Variants in CHRNA1 observed in about 807,000 individuals in gnomAD.
The protein encoded by CHRNA1 is acetylcholine receptor subunit alpha.
Under a neutral mutation model 47.1 loss-of-function variants are expected in CHRNA1, and 35 were observed. That is an observed-to-expected ratio of 0.74 (90% CI 0.57 to 0.99). The LOEUF (loss-of-function observed/expected upper bound fraction) is 0.99. Ranked by LOEUF, CHRNA1 falls within the 50% of genes least tolerant of loss-of-function variation. The pLI is 0.00. For synonymous variants in CHRNA1, 229 were observed against 223.6 expected (o/e 1.02, Z -0.22); for missense variants, 506 against 591.1 (o/e 0.86, Z 1.49).
In CHRNA1 at chr2:174,753,668, T is replaced by A. The variant is rs373958739; in HGVS notation, c.613A>T (p.Lys205Ter). 6.2e-7 allele frequency: 1 copy of A among 1,613,994 alleles called. No individual in the cohort carries two copies. Among genetic ancestry groups the A allele is most frequent in the Non-Finnish European group, 8.5e-7 (1 of 1,179,988 alleles). ...EWVIKESRGW[K>*]HSVTYSCCPD... Reference sequence around the variant, plus strand: ...CAGCAGGAATAGGTCACGGAGTGCTTCCAGCCCCGGGACTCCTTGATCACC... The same window carrying A: ...CAGCAGGAATAGGTCACGGAGTGCTACCAGCCCCGGGACTCCTTGATCACC... Residue 205 changes from lysine to a stop codon, truncating the protein, a stop_gained, in exon 6 of 9, where the codon AAG becomes TAG. Transcript: ENST00000348749. LOFTEE classifies it high-confidence loss of function.
chr2:174,753,378 C>G, intron 6 of CHRNA1, 125 bp downstream of exon 6: 1 of 984,096 alleles, frequency 1.0e-6, no homozygotes, highest in Non-Finnish European at 1.7e-6. Flanking sequence ...CAAATGCACC[C>G]TCCTAATGAT....
At chr2:174,757,971 G>A (rs1684016271) in intron 3 of CHRNA1, 4 of 1,601,364 alleles carry the variant, frequency 2.5e-6, no homozygotes, top group Non-Finnish European at 3.4e-6. Context: ...AGAAAACAAA[G>A]GAACTCCCAA....
Position 174,757,599 on chromosome 2 carries a change from T to G in CHRNA1, c.311A>C (p.Lys104Thr). ...GAGAACAAGGTCTGGGCGCCAGATC[T>G]TTTCTGAAGGAATGTGAATTTTTTT... is the stretch of plus-strand genomic sequence containing the variant. Reference protein sequence around the residue: ...GVKKIHIPSEKIWRPDLVLYN... With the variant: ...GVKKIHIPSETIWRPDLVLYN... The change falls in exon 4 of 9, where the codon AAG becomes ACG. Residue 104 changes from lysine (K) to threonine (T), a missense_variant. Lys to Thr is a moderately conservative substitution (Grantham distance 78, BLOSUM62 -1). Transcript: ENST00000348749. The G allele has an allele frequency of 1.2e-6, 2 of 1,614,206 alleles. No individual in the cohort carries two copies. Among genetic ancestry groups the G allele is most frequent in the South Asian group, 1.1e-5 (1 of 91,078 alleles).
At chr2:174,748,447 G>T in intron 8 of CHRNA1, 133 bp downstream of exon 8, 4 of 1,396,410 alleles carry the variant, frequency 2.9e-6, no homozygotes, top group Non-Finnish European at 2.9e-6. Context: ...GTCTAGAGGC[G>T]GTCACCAGGG....
chr2:174,757,630 C>T lies in CHRNA1; in HGVS notation c.280G>A (p.Gly94Ser), dbSNP rs199470444. The T allele has an allele frequency of 2.2e-5, 36 of 1,613,950 alleles. No homozygotes were observed. The highest frequency in any genetic ancestry group is 5.3e-5 in the African/African-American group (4 of 74,876). ...NLKWNPDDYG[G>S]VKKIHIPSEK... is the part of the protein sequence containing the mutation. ...GAAGGAATGTGAATTTTTTTCACAC[C>T]GCCATAGTCATCTGGATTCCATTTT... The change falls in exon 4 of 9, where the codon GGT (glycine) becomes AGT (serine). Residue 94 changes from glycine (G) to serine (S), a missense_variant. Physicochemically the swap from Gly to Ser is moderately conservative, Grantham distance 56 (BLOSUM62 0). Coordinates refer to ENST00000348749, the MANE Select transcript of CHRNA1 (RefSeq NM_000079.4).
At chr2:174,749,670 G>A (rs975223168) in intron 7 of CHRNA1, among the ~76,000 whole-genome samples, 1 of 152,208 alleles carries the variant, frequency 6.6e-6, no homozygotes, top group Non-Finnish European at 1.5e-5. Context: ...ATAAAAAGCA[G>A]CCGTTTGTTC....
At position 174,749,958 on chromosome 2, in the gene CHRNA1, G is replaced by C; in HGVS notation, c.990C>G (p.Asn330Lys). 2 of 1,614,044 alleles carry C rather than the reference G, an allele frequency of 1.2e-6. No homozygotes were observed. Among genetic ancestry groups the C allele is most frequent in the Non-Finnish European group, 1.7e-6 (2 of 1,179,958 alleles). ...CCTCCCCACTCACCTTCCGCACCCA[G>C]TTGGGCATGACATGGGTGCTGGGTG... ...HRSPSTHVMP[N>K]WVRKVFIDTI... Residue 330 changes from asparagine (N) to lysine (K), a missense_variant, in exon 7 of 9, where the codon AAC becomes AAG. Coordinates refer to ENST00000348749, the MANE Select transcript of CHRNA1 (RefSeq NM_000079.4).
intron 3 of CHRNA1, among the ~76,000 whole-genome samples, chr2:174,758,517 G>C (rs1684028387): frequency 6.6e-6 from 1 of 152,158 alleles, no homozygotes; most frequent in African/African-American, 2.4e-5. Flanking sequence ...TGACACTCAG[G>C]AAATGTTCAC....
Position 174,757,152 on chromosome 2 carries a change from G to A in CHRNA1, c.344+414C>T, listed in dbSNP as rs181444663. On this transcript the variant is annotated intron_variant, in intron 4 of 8. Coordinates refer to ENST00000348749, the MANE Select transcript of CHRNA1 (RefSeq NM_000079.4). The stretch of plus-strand genomic sequence containing the variant: ...ATTGCAAGGAATTCAGCGATAGGAC[G>A]TTTGGGTGCCTTGGAAAGTTGCCAC... Among the ~76,000 whole-genome samples, 292 of 152,206 alleles carry A rather than the reference G, an allele frequency of 1.9e-3. 3 individuals are homozygous for A. The highest frequency in any genetic ancestry group is 6.7e-3 in the African/African-American group (277 of 41,532).
Position 174,758,282 on chromosome 2 carries a change from G to A in CHRNA1, c.235-607C>T, listed in dbSNP as rs544194499. 2.0e-5 allele frequency among the ~76,000 whole-genome samples: 3 copies of A among 152,184 alleles called. No homozygotes were observed. The South Asian group carries it at 6.2e-4, about 32-fold the overall frequency. On this transcript the variant is annotated intron_variant, in intron 3 of 8. Coordinates refer to ENST00000348749, the MANE Select transcript of CHRNA1 (RefSeq NM_000079.4). The stretch of plus-strand genomic sequence containing the variant: ...AAATTAGCCGGGCGTGGTGGTAGGC[G>A]CCTGTAGTCCCAGCTACTTGGGAGG...
At chr2:174,757,347 T>C (rs968759827) in intron 4 of CHRNA1, among the ~76,000 whole-genome samples, 6 of 152,048 alleles carry the variant, frequency 3.9e-5, no homozygotes, top group African/African-American at 1.4e-4. Flanking sequence ...GTAGAGATGT[T>C]GTCTTGCTAT....
chr2:174,757,362 C>T (rs1181685879), intron 4 of CHRNA1, among the ~76,000 whole-genome samples: 1 of 151,914 alleles, frequency 6.6e-6, no homozygotes, highest in African/African-American at 2.4e-5. Context: ...TGCTATGTTG[C>T]CCAGGCTGAT....
At chr2:174,757,741 G>C (rs1574010143) in intron 3 of CHRNA1, 66 bp from the exon 4 acceptor site, 5 of 1,364,454 alleles carry the variant, frequency 3.7e-6, no homozygotes, top group Non-Finnish European at 4.2e-6. Context: ...AGGTTATCAA[G>C]AGCCCTGATG....
In CHRNA1 at chr2:174,749,985, G is replaced by T; in HGVS notation, c.963C>A (p.Arg321=). The T allele has an allele frequency of 6.2e-7, 1 of 1,614,194 alleles. No homozygotes were observed. The highest frequency in any genetic ancestry group is 8.5e-7 in the Non-Finnish European group (1 of 1,180,042). The change falls in exon 7 of 9, where the codon CGC becomes CGA. Residue 321 remains arginine (R), a synonymous_variant. Coordinates refer to ENST00000348749, the MANE Select transcript of CHRNA1 (RefSeq NM_000079.4). Reference sequence around the variant, plus strand: ...TGGGCATGACATGGGTGCTGGGTGAGCGGTGGTGTGTGTTGATGACGATGA... The same window carrying T: ...TGGGCATGACATGGGTGCTGGGTGATCGGTGGTGTGTGTTGATGACGATGA... ...ITVIVINTHH[R]SPSTHVMPNW... is the part of the protein sequence containing the mutation.
chr2:174,759,294 T>A, intron 3 of CHRNA1, 37 bp downstream of exon 3: 1 of 1,609,486 alleles, frequency 6.2e-7, no homozygotes. Flanking sequence ...TCAGTGTGAA[T>A]GAAAACGACA....
At chr2:174,763,417 T>C (rs950020464) in intron 1 of CHRNA1, among the ~76,000 whole-genome samples, 7 of 152,158 alleles carry the variant, frequency 4.6e-5, no homozygotes, top group African/African-American at 1.7e-4. Flanking sequence ...TATCTGAGTT[T>C]AGGCTCTTTC....
At position 174,754,976 on chromosome 2, in the gene CHRNA1, C is replaced by T. The variant is rs1335796747; in HGVS notation, c.345-562G>A. ...TCTTGGCTCACAGCAACCTCCACCT[C>T]CCGGGCTCAAGCAATTCTCCTGCCT... On this transcript the variant is annotated intron_variant, in intron 4 of 8. Transcript: ENST00000348749. Among the ~76,000 whole-genome samples the T allele has an allele frequency of 2.0e-5, 3 of 150,886 alleles. No homozygotes were observed. In the East Asian group the frequency reaches 5.8e-4, roughly 29 times the overall value.
At chr2:174,762,092 A>G (rs1255656164) in intron 1 of CHRNA1, among the ~76,000 whole-genome samples, 1 of 152,194 alleles carries the variant, frequency 6.6e-6, no homozygotes, top group Non-Finnish European at 1.5e-5. Context: ...TTTCAGAGAC[A>G]GTCACCTCCT....
At chr2:174,762,089 G>A (rs1684111667) in intron 1 of CHRNA1, among the ~76,000 whole-genome samples, 1 of 152,218 alleles carries the variant, frequency 6.6e-6, no homozygotes, top group Non-Finnish European at 1.5e-5. Context: ...GCATTTCAGA[G>A]ACAGTCACCT....
Sources: gnomAD v4.1 joint callset for allele counts (sites outside exome capture counted in the v4.1 genomes callset) on GRCh38, gnomAD v4.1.1 for gene constraint, MANE v1.5 for transcripts, NCBI Gene and HGNC (gene_info 2026-07-23, HGNC 2026-07-21) for gene names.